The following PTDSS1 variants were observed in gnomAD, a reference collection of about 807,000 sequenced individuals.
PTDSS1 encodes the protein PSS-1.
PTDSS1 carries 45 observed loss-of-function variants against 70.5 expected under a neutral mutation model. That is an observed-to-expected ratio of 0.64 (90% confidence interval 0.50 to 0.82). PTDSS1 has a LOEUF of 0.82. PTDSS1 is among the 40% of genes least tolerant of loss of function. The pLI is 0.00. For missense variants in PTDSS1, 417 were observed against 586.1 expected, an observed-to-expected ratio of 0.71 and a Z score of 2.98; for synonymous variants, 188 against 203.8, an observed-to-expected ratio of 0.92 and a Z score of 0.66.
chr8:96,267,135 G>A (rs1426123294), intron 1 of PTDSS1, among the ~76,000 whole-genome samples: 2 of 152,168 alleles, frequency 1.3e-5, no homozygotes, highest in Non-Finnish European at 1.5e-5. Context: ...TTTATCTTGT[G>A]ACATAATTCC....
chr8:96,304,897 A>G (rs1454831739), intron 7 of PTDSS1, among the ~76,000 whole-genome samples: 1 of 152,254 alleles, frequency 6.6e-6, no homozygotes, highest in Admixed American at 6.5e-5. Flanking sequence ...GGACACATAA[A>G]CACAAAATAC....
chr8:96,293,661 T>G (rs1240095009), intron 4 of PTDSS1, among the ~76,000 whole-genome samples: 1 of 152,264 alleles, frequency 6.6e-6, no homozygotes, highest in Non-Finnish European at 1.5e-5. Flanking sequence ...TTGGTCTTTA[T>G]GATTTTTAAA....
At chr8:96,294,949 C>G in intron 4 of PTDSS1, 149 bp from the exon 5 acceptor site, 2 of 709,660 alleles carry the variant, frequency 2.8e-6, no homozygotes, top group Non-Finnish European at 4.3e-6. Flanking sequence ...CCCTCAAGGC[C>G]CTTAAGTTAT....
chr8:96,262,276 G>A lies in PTDSS1; in HGVS notation c.179+57G>A. The A allele has an allele frequency of 6.6e-7, 1 of 1,512,804 alleles. No homozygotes were observed. Among genetic ancestry groups the A allele is most frequent in the Non-Finnish European group, 9.0e-7 (1 of 1,105,050 alleles). The allele number at this position is 1,512,804 out of a possible 1,614,324, so 93.7% of individuals were successfully genotyped here. A position where few individuals can be genotyped will look rare whatever the true frequency, so the allele number is the denominator to read the frequency against. ...CCAAGGGCTAGGGAAGAGGCGGGAG[G>A]GAGGGTGGCGGGGAGGGGGGCCCGG... is the stretch of plus-strand genomic sequence containing the variant. On this transcript the variant is annotated intron_variant, in intron 1 of 12. Coordinates refer to ENST00000517309, the MANE Select transcript of PTDSS1 (RefSeq NM_014754.3). The surrounding 1 kb of genome is among the most constrained non-coding windows in gnomAD (Gnocchi z 4.4).
chr8:96,336,461 G>A lies in PTDSS1; in HGVS notation c.*2895G>A, dbSNP rs1209532598. The stretch of plus-strand genomic sequence containing the variant: ...AGAAGGGGAGGCTAAACACAAGGTG[G>A]GGAAGAAAAAATGTAACCATTGGCA... On this transcript the variant is annotated 3_prime_UTR_variant, in exon 13 of 13. Transcript: ENST00000517309. 4 of 151,938 alleles carry A rather than the reference G, an allele frequency of 2.6e-5. No individual in the cohort carries two copies. Among genetic ancestry groups the A allele is most frequent in the Non-Finnish European group, 5.9e-5 (4 of 68,080 alleles). The allele number at this position is 151,938 out of a possible 1,614,324, so 9.4% of individuals were successfully genotyped here.
intron 10 of PTDSS1, among the ~76,000 whole-genome samples, chr8:96,320,896 T>G (rs938911885): frequency 6.6e-6 from 1 of 152,238 alleles, no homozygotes; most frequent in African/African-American, 2.4e-5. Flanking sequence ...AGCCTAAGCC[T>G]TGGTTCTTTT....
chr8:96,311,615 A>C (rs2874040), intron 9 of PTDSS1, among the ~76,000 whole-genome samples: 59,013 of 152,038 alleles, frequency 0.39, 12,741 homozygotes, highest in East Asian at 0.61. Context: ...GTTGATACTC[A>C]GGTTAGATTT....
intron 8 of PTDSS1, among the ~76,000 whole-genome samples, chr8:96,308,369 G>C (rs961877566): frequency 6.6e-6 from 1 of 152,184 alleles, no homozygotes; most frequent in African/African-American, 2.4e-5. Context: ...TGGTCTTTGG[G>C]GTGAGACGAC....
chr8:96,286,262 C>T (rs1166594518), intron 3 of PTDSS1, among the ~76,000 whole-genome samples: 4 of 152,192 alleles, frequency 2.6e-5, no homozygotes, highest in South Asian at 2.1e-4. Context: ...CAAAACCCCT[C>T]GTGATCGTTT....
intron 1 of PTDSS1, among the ~76,000 whole-genome samples, chr8:96,266,032 A>G (rs929131698): frequency 6.6e-6 from 1 of 152,254 alleles, no homozygotes; most frequent in East Asian, 1.9e-4. Flanking sequence ...CTCAGAGTAT[A>G]ATAATTACCT....
At chr8:96,326,700 G>C (rs1220507456) in intron 10 of PTDSS1, among the ~76,000 whole-genome samples, 6 of 152,206 alleles carry the variant, frequency 3.9e-5, no homozygotes, top group Non-Finnish European at 8.8e-5. Flanking sequence ...TGCAGCCCCA[G>C]CAATTTTCAA....
At chr8:96,297,244 T>C (rs951706692) in intron 5 of PTDSS1, among the ~76,000 whole-genome samples, 2 of 152,190 alleles carry the variant, frequency 1.3e-5, no homozygotes, top group African/African-American at 4.8e-5. Context: ...AGTGGTGCGA[T>C]CTTGGCTCAC....
chr8:96,272,788 A>C (rs934457034), intron 1 of PTDSS1, among the ~76,000 whole-genome samples: 1 of 152,328 alleles, frequency 6.6e-6, no homozygotes, highest in South Asian at 2.1e-4. Context: ...TAATGTTGTC[A>C]TCATCATTCC....
Position 96,335,831 on chromosome 8 carries a change from A to G in PTDSS1, c.*2265A>G, listed in dbSNP as rs892052941. 5 of 152,162 alleles carry G rather than the reference A, an allele frequency of 3.3e-5. No individual in the cohort carries two copies. Among genetic ancestry groups the G allele is most frequent in the African/African-American group, 1.2e-4 (5 of 41,436 alleles). 9.4% of individuals were successfully genotyped at this position (152,162 alleles called of 1,614,324 possible). A position where few individuals can be genotyped will look rare whatever the true frequency, so the allele number is the denominator to read the frequency against. On this transcript the variant is annotated 3_prime_UTR_variant, in exon 13 of 13. Coordinates refer to ENST00000517309, the MANE Select transcript of PTDSS1 (RefSeq NM_014754.3). ...CCGTTTCTATGGAAATAAACCTCAC[A>G]TTGATGGAAATAGAATGCGTGTTTC...
chr8:96,310,365 G>A (rs73271897), intron 9 of PTDSS1, among the ~76,000 whole-genome samples: 11,360 of 151,312 alleles, frequency 0.075, 710 homozygotes, highest in African/African-American at 0.17. Context: ...GGGTTTCACC[G>A]TGTTGGTCAG....
chr8:96,332,103 A>G (rs1404135478), intron 12 of PTDSS1, among the ~76,000 whole-genome samples: 1 of 149,672 alleles, frequency 6.7e-6, no homozygotes, highest in Non-Finnish European at 1.5e-5. Context: ...TTTTAATGGC[A>G]TTTATTCAAG....
chr8:96,275,547 AT>A (rs1271257388), intron 2 of PTDSS1, among the ~76,000 whole-genome samples: 1 of 152,098 alleles, frequency 6.6e-6, no homozygotes, highest in African/African-American at 2.4e-5. Context: ...CTTGGGTCTT[AT>A]GTAGACCCTC....
At position 96,269,072 on chromosome 8, in the gene PTDSS1, A is replaced by G. The variant is rs571216570; in HGVS notation, c.180-4227A>G. Among the ~76,000 whole-genome samples, 45 of 152,290 alleles carry G rather than the reference A, an allele frequency of 3.0e-4. 1 individual carries two copies. In the South Asian group the frequency reaches 8.9e-3, roughly 30 times the overall value. ...AATCTGTACATTTGGTATTTTCACA[A>G]TATGTGGTCAGTGCTATGCTGGAGC... On this transcript the variant is annotated intron_variant, in intron 1 of 12. Transcript: ENST00000517309.
chr8:96,279,498 C>T (rs1810702928), intron 2 of PTDSS1, among the ~76,000 whole-genome samples: 1 of 151,826 alleles, frequency 6.6e-6, no homozygotes, highest in Non-Finnish European at 1.5e-5. Flanking sequence ...ATCCTGTGTC[C>T]CCTCCTTCAC....
Sources: gnomAD v4.1 joint callset for allele counts (sites outside exome capture counted in the v4.1 genomes callset) on GRCh38, gnomAD v4.1.1 for gene constraint, Gnocchi (gnomAD v3.1) non-coding constraint, MANE v1.5 for transcripts, NCBI Gene and HGNC (gene_info 2026-07-23, HGNC 2026-07-21) for gene names.